Variants in IL13RA1 observed in about 807,000 individuals in gnomAD.
The protein encoded by IL13RA1 is interleukin-13 receptor subunit alpha-1.
IL13RA1 carries 14 observed loss-of-function variants against 33.8 expected under a neutral mutation model. The ratio of observed to expected loss-of-function variants is 0.41; its 90% CI spans 0.27 to 0.65. The LOEUF is 0.65. IL13RA1 is among the 30% of genes least tolerant of loss of function. IL13RA1 has a pLI of 0.28. For synonymous variants in IL13RA1, 116 were observed against 115.7 expected (o/e 1.00, Z -0.02); for missense variants, 313 against 327.0 (o/e 0.96, Z 0.33).
At chrX:118,799,340 G>C (rs771601952), downstream of IL13RA1, among the ~76,000 whole-genome samples, 2 of 113,254 alleles carry the variant, frequency 1.8e-5, no homozygotes, top group Admixed American at 9.2e-5. Context: ...TGAGGAATGC[G>C]AGCGCACAGT....
At chrX:118,776,818 G>C (rs2017790339) in intron 10 of IL13RA1, among the ~76,000 whole-genome samples, 1 of 107,423 alleles carries the variant, frequency 9.3e-6, no homozygotes, top group Admixed American at 1.0e-4. Flanking sequence ...ATAAAAATTA[G>C]CCGGGTGCAG....
chrX:118,802,208 C>T, the IL13RA1 span, among the ~76,000 whole-genome samples: 1 of 112,192 alleles, frequency 8.9e-6, no homozygotes, highest in Admixed American at 9.4e-5. Flanking sequence ...AATTAACAAA[C>T]ATCGAGTCCA....
chrX:118,741,093 C>T lies in IL13RA1; in HGVS notation c.165C>T (p.Pro55=), dbSNP rs1247892637. 27 of 1,140,619 alleles carry T rather than the reference C, an allele frequency of 2.4e-5. No individual in the cohort carries two copies. The Admixed American group carries it at 2.6e-4, about 11-fold the overall frequency. 94.0% of individuals were successfully genotyped at this position (1,140,619 alleles called of 1,213,427 possible). A position where few individuals can be genotyped will look rare whatever the true frequency, so the allele number is the denominator to read the frequency against. Residue 55 remains proline (P), a synonymous_variant, in exon 2 of 11, where the codon CCC becomes CCT. Transcript: ENST00000371666. The stretch of plus-strand genomic sequence containing the variant: ...CAGTAATATGGACATGGAATCCACC[C>T]GAGGGAGCCAGCTCAAATTGTAGTC... ...LCTVIWTWNP[P]EGASSNCSLW...
chrX:118,778,350 A>C (rs1253931648), intron 10 of IL13RA1, among the ~76,000 whole-genome samples: 1 of 111,573 alleles, frequency 9.0e-6, no homozygotes, highest in Non-Finnish European at 1.9e-5. Flanking sequence ...CAGACAGTAG[A>C]TAACTCTGCC....
downstream of IL13RA1, among the ~76,000 whole-genome samples, chrX:118,797,718 T>C (rs1311265862): frequency 2.7e-5 from 3 of 112,442 alleles, no homozygotes; most frequent in African/African-American, 9.7e-5. Flanking sequence ...AGAAATTGGC[T>C]GCTTTGGCTG....
intron 1 of IL13RA1, among the ~76,000 whole-genome samples, chrX:118,731,348 G>A (rs2017215538): frequency 1.8e-5 from 2 of 111,879 alleles, no homozygotes; most frequent in African/African-American, 3.3e-5. Context: ...AGGCCGAGGT[G>A]GGTGGATCAC....
At chrX:118,785,659 C>T (rs973398540) in intron 10 of IL13RA1, among the ~76,000 whole-genome samples, 16 of 111,174 alleles carry the variant, frequency 1.4e-4, no homozygotes, top group African/African-American at 5.2e-4. Context: ...CAAACTCCGC[C>T]TCCCAGGTTC....
At chrX:118,803,098 T>C in the IL13RA1 span, among the ~76,000 whole-genome samples, 2 of 112,503 alleles carry the variant, frequency 1.8e-5, no homozygotes, top group African/African-American at 6.5e-5. Context: ...CATTTCCTGT[T>C]CCTTGTGGCC....
intron 9 of IL13RA1, among the ~76,000 whole-genome samples, chrX:118,775,988 G>A (rs1220254927): frequency 9.0e-6 from 1 of 110,867 alleles, no homozygotes; most frequent in Admixed American, 9.6e-5. Context: ...ACAAAAAACT[G>A]AATCCTGGGG....
chrX:118,777,762 G>C (rs957448833), intron 10 of IL13RA1, among the ~76,000 whole-genome samples: 1 of 111,767 alleles, frequency 8.9e-6, no homozygotes, highest in Non-Finnish European at 1.9e-5. Context: ...GGGAACAAAA[G>C]GGTTTGAGGC....
At position 118,789,173 on chromosome X, in the gene IL13RA1, T is replaced by G. The variant is rs553451019; in HGVS notation, c.1192-2589T>G. 1.9e-4 allele frequency among the ~76,000 whole-genome samples: 21 copies of G among 112,409 alleles called. No individual in the cohort carries two copies. The South Asian group carries it at 7.7e-3, about 41-fold the overall frequency. The stretch of plus-strand genomic sequence containing the variant: ...TATGGTGCATTCATGCAATGAAATA[T>G]TATGTAGAGGTTAAAATGAGGTAGA... On this transcript the variant is annotated intron_variant, in intron 10 of 10. Coordinates refer to ENST00000371666, the MANE Select transcript of IL13RA1 (RefSeq NM_001560.3).
the IL13RA1 span, among the ~76,000 whole-genome samples, chrX:118,801,133 C>T: frequency 8.9e-6 from 1 of 112,538 alleles, no homozygotes; most frequent in Non-Finnish European, 1.9e-5. Context: ...ATATAATCTT[C>T]ACACATGATT....
intron 10 of IL13RA1, among the ~76,000 whole-genome samples, chrX:118,778,997 G>A (rs1012926627): frequency 8.9e-6 from 1 of 112,138 alleles, no homozygotes; most frequent in African/African-American, 3.2e-5. Flanking sequence ...ATTGCCTCTT[G>A]TAAGATAGAA....
chrX:118,731,840 G>A (rs1420606183), intron 1 of IL13RA1, among the ~76,000 whole-genome samples: 1 of 111,959 alleles, frequency 8.9e-6, no homozygotes, highest in African/African-American at 3.2e-5. Context: ...AGGCAGTCAG[G>A]CTCCAGAGTC....
the IL13RA1 span, among the ~76,000 whole-genome samples, chrX:118,801,716 ATGGTAGTTG>A: frequency 2.4e-4 from 27 of 112,379 alleles, no homozygotes; most frequent in Non-Finnish European, 3.8e-4. Flanking sequence ...ACTTTAATAA[ATGGTAGTTG>A]TGGTTGCACA....
At chrX:118,803,921 CCT>C in the IL13RA1 span, among the ~76,000 whole-genome samples, 3 of 53,638 alleles carry the variant, frequency 5.6e-5, no homozygotes, top group Non-Finnish European at 1.0e-4. Context: ...TTCCTTCCTT[CCT>C]CTCTCTCTTT....
At chrX:118,778,978 C>T (rs1014714059) in intron 10 of IL13RA1, among the ~76,000 whole-genome samples, 2 of 112,118 alleles carry the variant, frequency 1.8e-5, no homozygotes, top group African/African-American at 6.5e-5. Context: ...GGTCTTTCTA[C>T]TAGGCTGCAT....
At chrX:118,728,552 G>C (rs2017182195) in intron 1 of IL13RA1, among the ~76,000 whole-genome samples, 1 of 112,258 alleles carries the variant, frequency 8.9e-6, no homozygotes, top group Non-Finnish European at 1.9e-5. Flanking sequence ...GCAGCTCCTG[G>C]AAGGAATGGC....
intron 6 of IL13RA1, among the ~76,000 whole-genome samples, chrX:118,765,726 G>A (rs2017641090): frequency 8.9e-6 from 1 of 112,264 alleles, no homozygotes; most frequent in African/African-American, 3.2e-5. Flanking sequence ...GATAATAACA[G>A]TTTTCCTGGA....
Sources: allele counts gnomAD v4.1 joint callset (sites outside exome capture counted in the v4.1 genomes callset), GRCh38; gene constraint gnomAD v4.1.1; transcripts MANE v1.5; gene names NCBI Gene and HGNC (gene_info 2026-07-23, HGNC 2026-07-21).